SAMD3: variants seen among roughly 807,000 people sequenced by gnomAD.
SAMD3 encodes sterile alpha motif domain-containing protein 3.
Under a neutral mutation model 58.5 loss-of-function variants are expected in SAMD3, and 63 were observed. That is an observed-to-expected ratio of 1.08 (90% CI 0.88 to 1.33). The LOEUF is 1.33. Among genes scored for constraint, SAMD3 ranks in the 40% most tolerant of loss-of-function variants. The pLI, the probability that SAMD3 is intolerant of heterozygous loss-of-function variation, is 0.00. For synonymous variants in SAMD3, 220 were observed against 210.3 expected, an observed-to-expected ratio of 1.05 and a Z score of -0.40; for missense variants, 604 against 608.4, an observed-to-expected ratio of 0.99 and a Z score of 0.08.
At chr6:130,234,708 T>C (rs1190004846) in intron 2 of SAMD3, among the ~76,000 whole-genome samples, 2 of 152,180 alleles carry the variant, frequency 1.3e-5, no homozygotes, top group African/African-American at 4.8e-5. Context: ...CCCCTACAGA[T>C]AGGAAATGGG....
chr6:130,323,573 C>T (rs1349787214), intron 1 of SAMD3, among the ~76,000 whole-genome samples: 1 of 151,890 alleles, frequency 6.6e-6, no homozygotes, highest in Non-Finnish European at 1.5e-5. Context: ...GAGGCCAAGG[C>T]AGGCGGATCA....
chr6:130,184,188 C>A lies in SAMD3; in HGVS notation c.570-1G>T. 6.2e-7 allele frequency: 1 copy of A among 1,602,502 alleles called. No individual in the cohort carries two copies. Among genetic ancestry groups the A allele is most frequent in the Non-Finnish European group, 8.5e-7 (1 of 1,172,370 alleles). ...ATTGTACTGCTGGGTGCTGGGGTACCTGTTCACCAAAACAAGGAGGATATG... is the reference window on the plus strand; with the variant it reads ...ATTGTACTGCTGGGTGCTGGGGTACATGTTCACCAAAACAAGGAGGATATG... On this transcript the variant is annotated splice_acceptor_variant, in intron 6 of 11. Transcript: ENST00000439090. LOFTEE classifies it high-confidence loss of function.
intron 2 of SAMD3, among the ~76,000 whole-genome samples, chr6:130,308,105 C>T (rs2114983167): frequency 6.6e-6 from 1 of 152,230 alleles, no homozygotes; most frequent in East Asian, 1.9e-4. Context: ...CATTTGGCCT[C>T]TCTGAACAAA....
At chr6:130,360,460 A>G (rs73611637) in intron 1 of SAMD3, among the ~76,000 whole-genome samples, 2,012 of 152,312 alleles carry the variant, frequency 0.013, 39 homozygotes, top group African/African-American at 0.046. Flanking sequence ...CACAAGCCAC[A>G]AAACCAGTAA....
intron 1 of SAMD3, among the ~76,000 whole-genome samples, chr6:130,333,366 C>T (rs923711025): frequency 6.6e-6 from 1 of 152,184 alleles, no homozygotes. Context: ...CACAACCACC[C>T]ATGTCCCTTT....
At chr6:130,352,802 T>A (rs1777718790) in intron 1 of SAMD3, among the ~76,000 whole-genome samples, 1 of 152,186 alleles carries the variant, frequency 6.6e-6, no homozygotes, top group Non-Finnish European at 1.5e-5. Context: ...AACAGATGTG[T>A]CTACATCTAC....
At chr6:130,316,089 G>A (rs1776358468) in intron 1 of SAMD3, among the ~76,000 whole-genome samples, 1 of 152,040 alleles carries the variant, frequency 6.6e-6, no homozygotes, top group South Asian at 2.1e-4. Context: ...TCAGGAGTTC[G>A]AGACCAGCCT....
chr6:130,211,823 T>C (rs1224626090), intron 4 of SAMD3, among the ~76,000 whole-genome samples: 1 of 151,520 alleles, frequency 6.6e-6, no homozygotes, highest in Non-Finnish European at 1.5e-5. Flanking sequence ...GATTGAGACC[T>C]GTCTCAGAGA....
intron 2 of SAMD3, among the ~76,000 whole-genome samples, chr6:130,230,693 G>A (rs1032725679): frequency 3.9e-5 from 6 of 152,124 alleles, no homozygotes; most frequent in East Asian, 3.9e-4. Context: ...CGGCCTCTTC[G>A]CCTCTTCTAT....
At chr6:130,184,710 TAAAC>T (rs780075426) in intron 5 of SAMD3, 87 bp from the exon 6 acceptor site, 38 of 1,147,542 alleles carry the variant, frequency 3.3e-5, no homozygotes, top group African/African-American at 4.7e-5. Context: ...ACTTATGAAA[TAAAC>T]AACTTTCCTG....
chr6:130,240,554 T>C (rs1230667317), intron 2 of SAMD3, among the ~76,000 whole-genome samples: 2 of 152,218 alleles, frequency 1.3e-5, no homozygotes, highest in African/African-American at 4.8e-5. Flanking sequence ...TAGTGAATGC[T>C]GTGGTTTAAA....
chr6:130,197,937 G>T (rs1794291560), intron 5 of SAMD3, among the ~76,000 whole-genome samples: 1 of 152,032 alleles, frequency 6.6e-6, no homozygotes, highest in Non-Finnish European at 1.5e-5. Context: ...AGTGAAAATG[G>T]CCTGTTCCTG....
Position 130,336,901 on chromosome 6 carries a change from T to A in SAMD3, c.-303-23808A>T, listed in dbSNP as rs138088924. Among the ~76,000 whole-genome samples, 499 of 152,330 alleles carry A rather than the reference T, an allele frequency of 3.3e-3. 12 individuals carry two copies. The highest frequency in any genetic ancestry group is 0.015 in the Admixed American group (226 of 15,300). On this transcript the variant is annotated intron_variant, in intron 1 of 13. Coordinates refer to the SAMD3 transcript ENST00000368134. The stretch of plus-strand genomic sequence containing the variant: ...CAATGTTTATACTCATGCAAATATA[T>A]GCCTCAGCTATAAAGCCCTGAATAT...
At chr6:130,306,232 AAATT>A (rs1272382520) in intron 2 of SAMD3, among the ~76,000 whole-genome samples, 2 of 152,234 alleles carry the variant, frequency 1.3e-5, no homozygotes, top group Non-Finnish European at 2.9e-5. Context: ...TTTAAGCACT[AAATT>A]AATCACTGTC....
chr6:130,286,710 ATTCT>A (rs1775168659), intron 2 of SAMD3, among the ~76,000 whole-genome samples: 1 of 151,934 alleles, frequency 6.6e-6, no homozygotes, highest in South Asian at 2.1e-4. Flanking sequence ...AGAGAAGCTC[ATTCT>A]TTATTTATTT....
At chr6:130,347,845 C>T (rs1777504290) in intron 1 of SAMD3, among the ~76,000 whole-genome samples, 1 of 152,178 alleles carries the variant, frequency 6.6e-6, no homozygotes, top group African/African-American at 2.4e-5. Flanking sequence ...GGGTTACCCA[C>T]AAAGGGAAGC....
chr6:130,143,963 C>T (rs1481221669), downstream of SAMD3: 3 of 153,086 alleles, frequency 2.0e-5, no homozygotes, highest in East Asian at 5.8e-4. Context: ...CAAGATCAGC[C>T]AGCAATGAGG....
chr6:130,148,140 A>T (rs1470807587), intron 9 of SAMD3, among the ~76,000 whole-genome samples: 1 of 152,214 alleles, frequency 6.6e-6, no homozygotes, highest in Non-Finnish European at 1.5e-5. Flanking sequence ...TTCTTGCCTG[A>T]ATCAAGTACT....
rs186694374 is a variant in SAMD3 at position 130,207,216 on chromosome 6, G to A, written c.383+2279C>T. The stretch of plus-strand genomic sequence containing the variant: ...AAAAAAAGACCTACAGGTATAGAAG[G>A]TTGCATCCTCATCTGCTGTGTCAAG... On this transcript the variant is annotated intron_variant, in intron 5 of 11. Transcript: ENST00000439090. Among the ~76,000 whole-genome samples, 213 of 151,596 alleles carry A rather than the reference G, an allele frequency of 1.4e-3. 3 individuals carry two copies. The highest frequency in any genetic ancestry group is 4.9e-3 in the African/African-American group (204 of 41,312).
Sources: gnomAD v4.1 joint callset for allele counts (sites outside exome capture counted in the v4.1 genomes callset) on GRCh38, gnomAD v4.1.1 for gene constraint, MANE v1.5 for transcripts, NCBI Gene and HGNC (gene_info 2026-07-23, HGNC 2026-07-21) for gene names.